Variants in IGFN1 observed in about 807,000 individuals in gnomAD.
IGFN1 encodes immunoglobulin-like and fibronectin type III domain-containing protein 1.
Under a neutral mutation model 289.5 loss-of-function variants are expected in IGFN1, and 253 were observed. The observed-to-expected ratio is 0.87, with a 90% CI of 0.79 to 0.97. The LOEUF is 0.97. IGFN1 is among the 50% of genes least tolerant of loss of function. The pLI, the probability that IGFN1 is intolerant of heterozygous loss-of-function variation, is 0.00. For missense variants in IGFN1, 4,470 were observed against 4,686.1 expected, an observed-to-expected ratio of 0.95 and a Z score of 1.35; for synonymous variants, 1,706 against 1,788.5, an observed-to-expected ratio of 0.95 and a Z score of 1.16.
chr1:201,207,419 C>G lies in IGFN1; in HGVS notation c.2526C>G (p.Asp842Glu). Residue 842 changes from aspartate (D) to glutamate (E), a missense_variant, in exon 12 of 24, where the codon GAC becomes GAG. This residue lies in a region of IGFN1 where 2,011 missense variants were observed against 1,953.4 expected (regional missense o/e 1.03). Transcript: ENST00000335211. ...IESKGTSPWD[D>E]TPSSLRKTGA... ...CTAAGGGCACAAGTCCTTGGGATGACACACCATCTAGCCTCAGAAAAACTG... is the reference window on the plus strand; with the variant it reads ...CTAAGGGCACAAGTCCTTGGGATGAGACACCATCTAGCCTCAGAAAAACTG... 1 of 1,533,168 alleles carries G rather than the reference C, an allele frequency of 6.5e-7. No individual in the cohort carries two copies. The highest frequency in any genetic ancestry group is 8.7e-7 in the Non-Finnish European group (1 of 1,144,786). 95.0% of individuals were successfully genotyped at this position (1,533,168 alleles called of 1,614,324 possible).
rs769635833 is a variant in IGFN1, at chr1:201,211,146, A to G, written c.6253A>G (p.Lys2085Glu). 135 of 1,528,142 alleles carry G rather than the reference A, an allele frequency of 8.8e-5. No individual in the cohort carries two copies. The highest frequency in any genetic ancestry group is 3.3e-4 in the Middle Eastern group (2 of 5,974). 94.7% of individuals were successfully genotyped at this position (1,528,142 alleles called of 1,614,324 possible). The change falls in exon 12 of 24, where the codon AAG becomes GAG. Residue 2085 changes from lysine (K) to glutamate (E), a missense_variant. By Grantham distance (56) the Lys-to-Glu change is moderately conservative (BLOSUM62 1). This residue lies in a region of IGFN1 where 2,218 missense variants were observed against 2,114.1 expected (regional missense o/e 1.05). Coordinates refer to ENST00000335211, the MANE Select transcript of IGFN1 (RefSeq NM_001164586.2). ...GAPKGMGSGS[K>E]TGFRDGLGGS... ...TCCTAAGGGAATGGGTTCAGGGAGT[A>G]AGACAGGTTTCAGGGATGGTTTAGG...
rs1372783085 is a variant in IGFN1, at chr1:201,215,717, G to A, written c.9174G>A (p.Leu3058=). ...GTGACAGGGAGGCCCAGGTGGACCT[G>A]GGGGATGGCTACACGCGGCTGTGCC... The part of the protein sequence containing the change: ...GSSDREAQVD[L]GDGYTRLCLP... Residue 3058 remains leucine (L), a synonymous_variant, in exon 15 of 24, where the codon CTG becomes CTA. Transcript: ENST00000335211. 1.9e-6 allele frequency: 3 copies of A among 1,613,036 alleles called. No individual in the cohort carries two copies. Among genetic ancestry groups the A allele is most frequent in the East Asian group, 2.2e-5 (1 of 44,860 alleles).
intron 21 of IGFN1, 77 bp from the exon 22 acceptor site, chr1:201,225,747 C>T (rs553790329): frequency 7.4e-7 from 1 of 1,359,664 alleles, no homozygotes; most frequent in East Asian, 2.4e-5. Flanking sequence ...CCTCAGAAGT[C>T]CTGGGACCTG....
chr1:201,205,188 G>T lies in IGFN1; in HGVS notation c.1023G>T (p.Trp341Cys). Residue 341 changes from tryptophan to cysteine, a missense_variant, in exon 11 of 24, where the codon TGG becomes TGT. Trp to Cys is a radical substitution (Grantham distance 215). Around this residue, in one of 8 missense-constraint regions of IGFN1, gnomAD observed 2,011 missense variants for 1,953.4 expected, o/e 1.03. Transcript: ENST00000335211. ...CCAGCCCCTGCCCTAGTGCAGCCTG[G>T]CATTTCCGGCACCGGCTACTCCACC... ...TLSSPCPSAA[W>C]HFRHRLLHPS... 1 of 1,551,308 alleles carries T rather than the reference G, an allele frequency of 6.4e-7. No homozygotes were observed. The highest frequency in any genetic ancestry group is 1.4e-5 in the African/African-American group (1 of 73,166).
In IGFN1 at chr1:201,211,243, G is replaced by C. The variant is rs1434695038; in HGVS notation, c.6350G>C (p.Gly2117Ala). The C allele has an allele frequency of 6.5e-7, 1 of 1,533,042 alleles. No homozygotes were observed. The highest frequency in any genetic ancestry group is 1.4e-5 in the African/African-American group (1 of 72,176). 95.0% of individuals were successfully genotyped at this position (1,533,042 alleles called of 1,614,324 possible). The change falls in exon 12 of 24, where the codon GGT becomes GCT. Residue 2117 changes from glycine to alanine, a missense_variant. By Grantham distance (60) the Gly-to-Ala change is moderately conservative (BLOSUM62 0). Around this residue, in one of 8 missense-constraint regions of IGFN1, gnomAD observed 2,218 missense variants for 2,114.1 expected, o/e 1.05. Transcript: ENST00000335211. Reference sequence around the variant, plus strand: ...GATTTGGGGGCTCCTGAGGGAATAGGTTCAGGAAGTAAGGCAGGTTTTAGG... The same window carrying C: ...GATTTGGGGGCTCCTGAGGGAATAGCTTCAGGAAGTAAGGCAGGTTTTAGG... ...RKDLGAPEGIGSGSKAGFRDG... is the reference protein window; with the variant it reads ...RKDLGAPEGIASGSKAGFRDG...
At chr1:201,220,025 C>G (rs1374701144) in intron 18 of IGFN1, among the ~76,000 whole-genome samples, 1 of 148,250 alleles carries the variant, frequency 6.7e-6, no homozygotes, top group Non-Finnish European at 1.5e-5. Context: ...TCTCCCCCTT[C>G]CTCCCTCCCT....
In IGFN1 at chr1:201,217,535, G is replaced by A. The variant is rs1311906796; in HGVS notation, c.9769+75G>A. On this transcript the variant is annotated intron_variant, in intron 17 of 23. Transcript: ENST00000335211. ...AGGATCCCAGGGACTTTTCAGTTCA[G>A]ATTGGTTTAATACAGTCGTTCTCGT... The A allele has an allele frequency of 4.0e-6, 6 of 1,506,952 alleles. No homozygotes were observed. The African/African-American group carries it at 8.3e-5, about 21-fold the overall frequency. 93.3% of individuals were successfully genotyped at this position (1,506,952 alleles called of 1,614,324 possible).
At position 201,211,896 on chromosome 1, in the gene IGFN1, G is replaced by A; in HGVS notation, c.7003G>A (p.Gly2335Arg). ...GFGGTSGMGS[G>R]SEVSYRGGSG... Reference sequence around the variant, plus strand: ...TGGGGGAACTAGTGGCATGGGGTCAGGGAGTGAGGTCAGTTATAGAGGAGG... The same window carrying A: ...TGGGGGAACTAGTGGCATGGGGTCAAGGAGTGAGGTCAGTTATAGAGGAGG... Residue 2335 changes from glycine to arginine, a missense_variant, in exon 12 of 24, where the codon GGG becomes AGG. Coordinates refer to ENST00000335211, the MANE Select transcript of IGFN1 (RefSeq NM_001164586.2). The A allele has an allele frequency of 6.5e-7, 1 of 1,529,984 alleles. No homozygotes were observed. Among genetic ancestry groups the A allele is most frequent in the Non-Finnish European group, 8.7e-7 (1 of 1,143,180 alleles). The allele number at this position is 1,529,984 out of a possible 1,614,324, so 94.8% of individuals were successfully genotyped here.
chr1:201,199,447 C>T (rs1428569693), intron 6 of IGFN1, 69 bp downstream of exon 6: 2 of 1,493,226 alleles, frequency 1.3e-6, no homozygotes, highest in Non-Finnish European at 1.8e-6. Flanking sequence ...CTGGTGTTCC[C>T]TGCCTGGTTG....
rs368925088 is a variant in IGFN1, at chr1:201,203,926, G to A, written c.916+20G>A. 7.3e-5 allele frequency: 113 copies of A among 1,540,778 alleles called. No individual in the cohort carries two copies. The African/African-American group carries it at 1.3e-3, about 18-fold the overall frequency. On this transcript the variant is annotated intron_variant, in intron 10 of 23. Transcript: ENST00000335211. ...CCAGTGGTGAGTGGTCTACACTGCC[G>A]AAGTTGGAGTTGGGGAGATATGTTA...
chr1:201,201,788 G>C lies in IGFN1; in HGVS notation c.703G>C (p.Glu235Gln). The change falls in exon 9 of 24, where the codon GAG becomes CAG. Residue 235 changes from glutamate to glutamine, a missense_variant. Coordinates refer to ENST00000335211, the MANE Select transcript of IGFN1 (RefSeq NM_001164586.2). ...TKDGNAKFDL[E>Q]LDLKDSQSKI... Reference sequence around the variant, plus strand: ...GGATGGGAATGCAAAGTTTGACTTGGAGCTGGATCTCAAGGATTCTCAGAG... The same window carrying C: ...GGATGGGAATGCAAAGTTTGACTTGCAGCTGGATCTCAAGGATTCTCAGAG... 1.3e-6 allele frequency: 2 copies of C among 1,549,080 alleles called. No individual in the cohort carries two copies. Among genetic ancestry groups the C allele is most frequent in the South Asian group, 2.4e-5 (2 of 84,016 alleles).
At chr1:201,218,436 A>G (rs920664983) in intron 17 of IGFN1, 94 bp from the exon 18 acceptor site, 23 of 1,270,084 alleles carry the variant, frequency 1.8e-5, no homozygotes, top group Non-Finnish European at 2.5e-5. Context: ...TTAGGACCCC[A>G]GGCTTGGTCT....
In IGFN1 at chr1:201,227,142, G is replaced by A. The variant is rs1309805491; in HGVS notation, c.11047G>A (p.Glu3683Lys). Residue 3683 changes from glutamate (E) to lysine (K), a missense_variant, in exon 23 of 24, where the codon GAG (glutamate) becomes AAG (lysine). By Grantham distance (56) the Glu-to-Lys change is moderately conservative. This residue lies in a region of IGFN1 where 2,218 missense variants were observed against 2,114.1 expected (regional missense o/e 1.05). Coordinates refer to ENST00000335211, the MANE Select transcript of IGFN1 (RefSeq NM_001164586.2). ...IPSVSPKDSG[E>K]YKAVAENTLG... The stretch of plus-strand genomic sequence containing the variant: ...CAGCGTATCCCCGAAGGACAGCGGG[G>A]AGTACAAGGCTGTGGCTGAGAACAC... 2 of 1,613,218 alleles carry A rather than the reference G, an allele frequency of 1.2e-6. No homozygotes were observed. Among genetic ancestry groups the A allele is most frequent in the Non-Finnish European group, 1.7e-6 (2 of 1,179,932 alleles).
At chr1:201,192,571 G>A (rs1436235179) in intron 1 of IGFN1, among the ~76,000 whole-genome samples, 1 of 152,218 alleles carries the variant, frequency 6.6e-6, no homozygotes, top group Non-Finnish European at 1.5e-5. Context: ...GGCTTCTGAG[G>A]GGAGCAGATG....
intron 5 of IGFN1, among the ~76,000 whole-genome samples, chr1:201,198,126 C>T (rs1000536969): frequency 2.6e-5 from 4 of 152,246 alleles, no homozygotes; most frequent in Admixed American, 1.3e-4. Flanking sequence ...ATCTGCCTCT[C>T]TTATTTTTAT....
Position 201,213,418 on chromosome 1 carries a change from G to T in IGFN1, c.8525G>T (p.Gly2842Val), listed in dbSNP as rs1420593360. Residue 2842 changes from glycine (G) to valine (V), a missense_variant, in exon 12 of 24, where the codon GGG becomes GTG. By Grantham distance (109) the Gly-to-Val change is moderately radical. This residue lies in a region of IGFN1 where 2,218 missense variants were observed against 2,114.1 expected (regional missense o/e 1.05). Transcript: ENST00000335211. ...GGAGCAGACGAGGCTGGAAGCATGG[G>T]GTGGCAGCCTATGGGAGAGAACTGG... The part of the protein sequence containing the change: ...RRGADEAGSM[G>V]WQPMGENWGC... 6.2e-7 allele frequency: 1 copy of T among 1,614,072 alleles called. No homozygotes were observed.
At position 201,205,175 on chromosome 1, in the gene IGFN1, C is replaced by T. The variant is rs536759117; in HGVS notation, c.1010C>T (p.Pro337Leu). 79 of 1,551,210 alleles carry T rather than the reference C, an allele frequency of 5.1e-5. No homozygotes were observed. Among genetic ancestry groups the T allele is most frequent in the Non-Finnish European group, 6.5e-5 (74 of 1,147,002 alleles). Residue 337 changes from proline (P) to leucine (L), a missense_variant, in exon 11 of 24, where the codon CCT becomes CTT. This residue lies in a region of IGFN1 where 2,011 missense variants were observed against 1,953.4 expected (regional missense o/e 1.03). Coordinates refer to ENST00000335211, the MANE Select transcript of IGFN1 (RefSeq NM_001164586.2). ...VFECTLSSPC[P>L]SAAWHFRHRL... ...GAATGTACCCTCTCCAGCCCCTGCC[C>T]TAGTGCAGCCTGGCATTTCCGGCAC...
intron 22 of IGFN1, 31 bp downstream of exon 22, chr1:201,226,154 A>G (rs143028742): frequency 3.2e-6 from 5 of 1,547,166 alleles, no homozygotes; most frequent in South Asian, 1.2e-5. Flanking sequence ...AGGAGCAGGC[A>G]GGGTGGGGGT....
intron 16 of IGFN1, 152 bp downstream of exon 16, chr1:201,216,905 G>A: frequency 3.1e-6 from 2 of 645,762 alleles, no homozygotes; most frequent in Admixed American, 5.9e-5. Context: ...CCTTCCCTCA[G>A]CTGCATTTGG....
Sources: gnomAD v4.1 joint callset for allele counts (sites outside exome capture counted in the v4.1 genomes callset) on GRCh38, gnomAD v4.1.1 for gene constraint, gnomAD v4.1.1 regional missense constraint, MANE v1.5 for transcripts, NCBI Gene and HGNC (gene_info 2026-07-23, HGNC 2026-07-21) for gene names.